CMC1: variants seen among roughly 807,000 people sequenced by gnomAD.
CMC1 encodes the protein COX assembly mitochondrial protein homolog.
A neutral mutation model predicts 14.1 loss-of-function variants in CMC1; 14 were observed. The ratio of observed to expected loss-of-function variants is 0.99; its 90% CI spans 0.66 to 1.55. CMC1 has a LOEUF of 1.55. Ranked by LOEUF, CMC1 falls within the 40% of genes most tolerant of loss-of-function variation. The probability of loss-of-function intolerance (pLI) is 0.00; values close to 1 mark genes in which losing one functional copy is unlikely to be tolerated. For synonymous variants in CMC1, 50 were observed against 38.4 expected, an observed-to-expected ratio of 1.30 and a Z score of -1.12; for missense variants, 127 against 123.8, an observed-to-expected ratio of 1.03 and a Z score of -0.12.
At chr3:28,274,066 T>C (rs897602647) in intron 2 of CMC1, among the ~76,000 whole-genome samples, 1 of 152,098 alleles carries the variant, frequency 6.6e-6, no homozygotes, top group South Asian at 2.1e-4. Flanking sequence ...TGTCTTCTAA[T>C]TGGGGGCATT....
chr3:28,316,706 T>A, intron 3 of CMC1: 1 of 214,156 alleles, frequency 4.7e-6, no homozygotes, highest in Non-Finnish European at 9.2e-6. Flanking sequence ...AACAGTTTGA[T>A]CTGTAAAATA....
At chr3:28,319,088 A>G in intron 3 of CMC1, 1 of 360,900 alleles carries the variant, frequency 2.8e-6, no homozygotes, top group Admixed American at 3.7e-5. Flanking sequence ...GTCTTCCCAC[A>G]CTTGCCTTCT....
At chr3:28,283,544 A>ACAG (rs1186657899) in intron 2 of CMC1, among the ~76,000 whole-genome samples, 1 of 102,204 alleles carries the variant, frequency 9.8e-6, no homozygotes, top group Non-Finnish European at 2.3e-5. Flanking sequence ...AACAACAACA[A>ACAG]CAAAAACAAA....
chr3:28,268,875 CCTT>C (rs917433192), intron 2 of CMC1, among the ~76,000 whole-genome samples: 33 of 152,110 alleles, frequency 2.2e-4, no homozygotes, highest in African/African-American at 7.7e-4. Context: ...ATATAGCAGT[CCTT>C]CTTATTTGTG....
intron 2 of CMC1, chr3:28,297,076 A>G (rs1466024178): frequency 6.6e-6 from 1 of 151,894 alleles, no homozygotes; most frequent in Non-Finnish European, 1.5e-5. Flanking sequence ...TCTTTGTTTA[A>G]TTTTAAATGT....
intron 2 of CMC1, among the ~76,000 whole-genome samples, chr3:28,276,017 C>A (rs1577027719): frequency 1.3e-5 from 2 of 152,174 alleles, no homozygotes; most frequent in South Asian, 4.1e-4. Context: ...GCTGCCCCTT[C>A]TTCTGGGAGC....
chr3:28,299,740 C>G (rs1250885528), intron 2 of CMC1, among the ~76,000 whole-genome samples: 3 of 151,880 alleles, frequency 2.0e-5, no homozygotes, highest in Non-Finnish European at 4.4e-5. Flanking sequence ...TTAAAAAAAA[C>G]TCTTAGTTTA....
chr3:28,267,311 G>GT (rs1208606733), intron 2 of CMC1, among the ~76,000 whole-genome samples: 2 of 152,064 alleles, frequency 1.3e-5, no homozygotes, highest in Non-Finnish European at 2.9e-5. Context: ...TTTTTTTGAA[G>GT]TGCATAGTTG....
At chr3:28,261,115 G>A (rs377564386) in intron 1 of CMC1, among the ~76,000 whole-genome samples, 1 of 151,892 alleles carries the variant, frequency 6.6e-6, no homozygotes, top group African/African-American at 2.4e-5. Context: ...CAGTTTTAAC[G>A]AACTTAAATA....
chr3:28,263,411 A>T, intron 2 of CMC1, 31 bp downstream of exon 2: 2 of 1,366,174 alleles, frequency 1.5e-6, no homozygotes, highest in Non-Finnish European at 2.0e-6. Context: ...TAAAGATCAA[A>T]TTTATTTTTA....
intron 2 of CMC1, among the ~76,000 whole-genome samples, chr3:28,306,124 C>T (rs1702294357): frequency 6.6e-6 from 1 of 151,966 alleles, no homozygotes; most frequent in Admixed American, 6.6e-5. Context: ...TAATGTGATG[C>T]TTCCAGCTTT....
At chr3:28,317,633 C>G (rs1011095561) in intron 3 of CMC1, 17 of 151,918 alleles carry the variant, frequency 1.1e-4, no homozygotes, top group African/African-American at 3.9e-4. Context: ...GTTGGGGGAG[C>G]TCTAGAGCAG....
intron 2 of CMC1, among the ~76,000 whole-genome samples, chr3:28,276,930 TTATTG>T (rs1314971865): frequency 6.6e-6 from 1 of 152,158 alleles, no homozygotes; most frequent in Admixed American, 6.5e-5. Context: ...AAAAGCAGTT[TTATTG>T]TATTGTGCTT....
intron 2 of CMC1, among the ~76,000 whole-genome samples, chr3:28,285,658 T>G (rs906456882): frequency 6.6e-6 from 1 of 151,646 alleles, no homozygotes; most frequent in Non-Finnish European, 1.5e-5. Flanking sequence ...GCTGCACTTG[T>G]ACCCCCTACA....
At chr3:28,254,159 A>G (rs560879862) in intron 1 of CMC1, among the ~76,000 whole-genome samples, 13 of 152,344 alleles carry the variant, frequency 8.5e-5, no homozygotes, top group African/African-American at 2.4e-4. Context: ...TTATGTGACT[A>G]TACAGTAGCA....
rs57499697 is a variant in CMC1 at position 28,309,821 on chromosome 3, CCACACACACACACACACACACACA to C, written c.110-6495_110-6472del. ...CCTTTTCTCCTGCAGCTGATATTTACCACACACACACACACACACACACACACACACACACACACAAGCTAATTG... is the reference window on the plus strand; with the variant it reads ...CCTTTTCTCCTGCAGCTGATATTTACCACACACACACACACAAGCTAATTG... On this transcript the variant is annotated intron_variant, in intron 2 of 3. Coordinates refer to ENST00000466830, the MANE Select transcript of CMC1 (RefSeq NM_182523.2). 4.3e-3 allele frequency among the ~76,000 whole-genome samples: 569 copies of C among 131,876 alleles called. 4 individuals carry two copies. The highest frequency in any genetic ancestry group is 0.016 in the African/African-American group (548 of 33,560). 86.5% of individuals were successfully genotyped at this position (131,876 alleles called of 152,430 possible). A position where few individuals can be genotyped will look rare whatever the true frequency, so the allele number is the denominator to read the frequency against.
chr3:28,255,380 A>G (rs1699342273), intron 1 of CMC1, among the ~76,000 whole-genome samples: 1 of 151,516 alleles, frequency 6.6e-6, no homozygotes, highest in Non-Finnish European at 1.5e-5. Context: ...AGCTGGGACT[A>G]TAGATGCGCG....
intron 2 of CMC1, among the ~76,000 whole-genome samples, chr3:28,308,612 T>C (rs1429744996): frequency 1.3e-5 from 2 of 152,202 alleles, no homozygotes; most frequent in African/African-American, 4.8e-5. Flanking sequence ...ATATGTCCAT[T>C]TTCTTTAGAT....
intron 2 of CMC1, among the ~76,000 whole-genome samples, chr3:28,293,820 G>A (rs1279500631): frequency 6.6e-6 from 1 of 152,026 alleles, no homozygotes; most frequent in Admixed American, 6.6e-5. Context: ...GAGCTCAAGC[G>A]ATCCGACTGC....
Sources: allele counts gnomAD v4.1 joint callset (sites outside exome capture counted in the v4.1 genomes callset), GRCh38; gene constraint gnomAD v4.1.1; transcripts MANE v1.5; gene names NCBI Gene and HGNC (gene_info 2026-07-23, HGNC 2026-07-21).